Variants in SLCO6A1 observed in about 807,000 individuals in gnomAD.
SLCO6A1 encodes solute carrier organic anion transporter family member 6A1, also known as cancer/testis antigen 48.
Under a neutral mutation model 72.7 loss-of-function variants are expected in SLCO6A1, and 65 were observed. The observed-to-expected ratio is 0.89, with a 90% CI of 0.73 to 1.10. SLCO6A1 has a LOEUF of 1.10. Among genes scored for constraint, SLCO6A1 ranks in the 50% least tolerant of loss-of-function variants. The probability of loss-of-function intolerance (pLI) is 0.00; values close to 1 mark genes in which losing one functional copy is unlikely to be tolerated. For synonymous variants in SLCO6A1, 314 were observed against 298.2 expected, an observed-to-expected ratio of 1.05 and a Z score of -0.55; for missense variants, 874 against 872.6, an observed-to-expected ratio of 1.00 and a Z score of -0.02.
intron 9 of SLCO6A1, among the ~76,000 whole-genome samples, chr5:102,405,197 G>T (rs987216625): frequency 6.6e-6 from 1 of 151,932 alleles, no homozygotes; most frequent in Non-Finnish European, 1.5e-5. Flanking sequence ...ACCTGTAGAA[G>T]TTCTAAATGA....
In SLCO6A1 at chr5:102,390,980, C is replaced by T. The variant is rs181522070; in HGVS notation, c.1879+1G>A. On this transcript the variant is annotated splice_donor_variant, in intron 11 of 13. Transcript: ENST00000506729. LOFTEE classifies it high-confidence loss of function. Reference sequence around the variant, plus strand: ...AATAAGAGATTGCCAAAAATCCATACCAAATATTCTCAAAATCACATAGCT... The same window carrying T: ...AATAAGAGATTGCCAAAAATCCATATCAAATATTCTCAAAATCACATAGCT... 2 of 1,613,272 alleles carry T rather than the reference C, an allele frequency of 1.2e-6. No homozygotes were observed.
chr5:102,477,403 C>T (rs1751956551), intron 3 of SLCO6A1, among the ~76,000 whole-genome samples: 1 of 152,094 alleles, frequency 6.6e-6, no homozygotes, highest in Admixed American at 6.6e-5. Flanking sequence ...GGATTACAGG[C>T]ATGAGCCACC....
chr5:102,493,740 A>C (rs1752788104), intron 1 of SLCO6A1, among the ~76,000 whole-genome samples: 1 of 152,300 alleles, frequency 6.6e-6, no homozygotes, highest in Admixed American at 6.5e-5. Context: ...ATACTAAAAA[A>C]TCCTAAGGAG....
chr5:102,408,226 G>A (rs1055790382), intron 9 of SLCO6A1, among the ~76,000 whole-genome samples: 1 of 147,546 alleles, frequency 6.8e-6, no homozygotes, highest in Admixed American at 6.8e-5. Flanking sequence ...TGTAATAAAA[G>A]TTATGTGAAG....
At chr5:102,483,426 A>C (rs1028512459) in intron 1 of SLCO6A1, among the ~76,000 whole-genome samples, 1 of 152,188 alleles carries the variant, frequency 6.6e-6, no homozygotes, top group African/African-American at 2.4e-5. Flanking sequence ...CTCACCAAAA[A>C]GTGTGCCTCT....
chr5:102,403,080 G>C (rs942871980), intron 9 of SLCO6A1, among the ~76,000 whole-genome samples: 34 of 152,248 alleles, frequency 2.2e-4, no homozygotes, highest in African/African-American at 7.5e-4. Context: ...AATATCATAA[G>C]TGTTGGTATA....
chr5:102,428,781 T>C (rs1375155239), intron 7 of SLCO6A1, among the ~76,000 whole-genome samples: 1 of 152,156 alleles, frequency 6.6e-6, no homozygotes, highest in Non-Finnish European at 1.5e-5. Context: ...TGTCTTTGTA[T>C]AGAAAAATTT....
intron 4 of SLCO6A1, among the ~76,000 whole-genome samples, chr5:102,468,404 G>A (rs1306570158): frequency 6.6e-6 from 1 of 151,976 alleles, no homozygotes; most frequent in Non-Finnish European, 1.5e-5. Context: ...CTGTCTTGAT[G>A]ACCTATCTAG....
chr5:102,447,770 CTTTA>C (rs1340636468), intron 6 of SLCO6A1, among the ~76,000 whole-genome samples: 3 of 151,848 alleles, frequency 2.0e-5, no homozygotes, highest in African/African-American at 4.8e-5. Context: ...CCCTTTTCTT[CTTTA>C]TTTGTCTACC....
chr5:102,453,021 T>C (rs1279427964), intron 6 of SLCO6A1, among the ~76,000 whole-genome samples: 1 of 152,122 alleles, frequency 6.6e-6, no homozygotes, highest in Non-Finnish European at 1.5e-5. Flanking sequence ...AAATACTCTT[T>C]TTTAGTTTTA....
chr5:102,445,872 G>A (rs1750081493), intron 6 of SLCO6A1, among the ~76,000 whole-genome samples: 1 of 152,102 alleles, frequency 6.6e-6, no homozygotes, highest in Non-Finnish European at 1.5e-5. Flanking sequence ...AAGATCAGAT[G>A]GCTGTAGGTG....
At chr5:102,478,066 C>T (rs928561971) in intron 2 of SLCO6A1, among the ~76,000 whole-genome samples, 1 of 151,898 alleles carries the variant, frequency 6.6e-6, no homozygotes, top group African/African-American at 2.4e-5. Context: ...TTGGGCCAGA[C>T]ACAGCACACA....
chr5:102,495,087 A>G (rs1752848108), intron 1 of SLCO6A1, among the ~76,000 whole-genome samples: 1 of 152,224 alleles, frequency 6.6e-6, no homozygotes, highest in African/African-American at 2.4e-5. Flanking sequence ...AATACACACA[A>G]AAACATGAAT....
intron 4 of SLCO6A1, among the ~76,000 whole-genome samples, chr5:102,466,247 G>A (rs1292290873): frequency 6.6e-6 from 1 of 151,864 alleles, no homozygotes. Flanking sequence ...TCATCATTTA[G>A]CTCCCATTTA....
In SLCO6A1 at chr5:102,474,191, A is replaced by G. The variant is rs559227823; in HGVS notation, c.899+1506T>C. Reference sequence around the variant, plus strand: ...GATTTCAAATATATTGCAAAGCTACAGTCCTCAAAACAGTATGGTACTGGT... The same window carrying G: ...GATTTCAAATATATTGCAAAGCTACGGTCCTCAAAACAGTATGGTACTGGT... On this transcript the variant is annotated intron_variant, in intron 4 of 13. Coordinates refer to ENST00000506729, the MANE Select transcript of SLCO6A1 (RefSeq NM_173488.5). 5.3e-5 allele frequency among the ~76,000 whole-genome samples: 8 copies of G among 152,182 alleles called. No individual in the cohort carries two copies. In the South Asian group the frequency reaches 1.4e-3, roughly 28 times the overall value.
intron 6 of SLCO6A1, among the ~76,000 whole-genome samples, chr5:102,453,887 G>C (rs562712567): frequency 7.2e-5 from 11 of 152,190 alleles, no homozygotes; most frequent in African/African-American, 2.6e-4. Context: ...GTTTCAGGCA[G>C]TTTACAAGCT....
intron 2 of SLCO6A1, among the ~76,000 whole-genome samples, chr5:102,479,872 A>C (rs111564858): frequency 0.015 from 2,290 of 152,244 alleles, 23 homozygotes; most frequent in African/African-American, 0.026. Context: ...TCCCTTCTCA[A>C]AGAAAATTCA....
At chr5:102,464,348 T>C (rs1751206680) in intron 4 of SLCO6A1, among the ~76,000 whole-genome samples, 1 of 152,120 alleles carries the variant, frequency 6.6e-6, no homozygotes, top group Admixed American at 6.6e-5. Flanking sequence ...GTCATAGGTC[T>C]AGCAAACAAT....
At chr5:102,421,154 C>A (rs1748576010) in intron 7 of SLCO6A1, among the ~76,000 whole-genome samples, 1 of 152,112 alleles carries the variant, frequency 6.6e-6, no homozygotes, top group South Asian at 2.1e-4. Context: ...GTGCCTACAC[C>A]ACCAGGGCCC....
Sources: allele counts gnomAD v4.1 joint callset (sites outside exome capture counted in the v4.1 genomes callset), GRCh38; gene constraint gnomAD v4.1.1; transcripts MANE v1.5; gene names NCBI Gene and HGNC (gene_info 2026-07-23, HGNC 2026-07-21).